KLHL7: variants seen among roughly 807,000 people sequenced by gnomAD.
The protein encoded by KLHL7 is kelch-like protein 7.
In KLHL7, 44 loss-of-function variants were observed where a neutral mutation model predicts 67.4. That is an observed-to-expected ratio of 0.65 (90% CI 0.51 to 0.84). The LOEUF is 0.84. KLHL7 is among the 40% of genes least tolerant of loss of function. The pLI, the probability that KLHL7 is intolerant of heterozygous loss-of-function variation, is 0.00. For synonymous variants in KLHL7, 252 were observed against 243.3 expected (o/e 1.04, Z -0.33); for missense variants, 362 against 718.1 (o/e 0.50, Z 5.67).
At chr7:23,113,762 G>A (rs1164792390) in intron 1 of KLHL7, among the ~76,000 whole-genome samples, 1 of 152,196 alleles carries the variant, frequency 6.6e-6, no homozygotes. Context: ...GGAGGCGGAA[G>A]TTGTTGTGAG....
At chr7:23,124,154 G>GCA (rs1783465894) in intron 2 of KLHL7, among the ~76,000 whole-genome samples, 1 of 110,980 alleles carries the variant, frequency 9.0e-6, no homozygotes, top group African/African-American at 3.6e-5. Flanking sequence ...TTGCACCACT[G>GCA]CACTCCATCC....
intron 1 of KLHL7, chr7:23,117,714 CTT>C: frequency 1.1e-6 from 1 of 944,926 alleles, no homozygotes. Flanking sequence ...CTAGAGAAGT[CTT>C]TTTAATGTTT....
At chr7:23,121,452 C>T (rs150099538) in intron 1 of KLHL7, among the ~76,000 whole-genome samples, 9 of 140,288 alleles carry the variant, frequency 6.4e-5, no homozygotes, top group East Asian at 4.0e-4. Flanking sequence ...CACACCACCA[C>T]GCCTGGCTAA....
intron 4 of KLHL7, among the ~76,000 whole-genome samples, chr7:23,139,876 C>T (rs777707305): frequency 1.2e-4 from 18 of 151,104 alleles, no homozygotes; most frequent in Admixed American, 5.9e-4. Flanking sequence ...CTTTCCTTTC[C>T]GTCTTCACTT....
At chr7:23,145,135 T>C (rs1219357238) in intron 6 of KLHL7, among the ~76,000 whole-genome samples, 3 of 151,952 alleles carry the variant, frequency 2.0e-5, no homozygotes, top group Non-Finnish European at 4.4e-5. Flanking sequence ...AAACTGAAGA[T>C]AGAATTATGC....
intron 1 of KLHL7, among the ~76,000 whole-genome samples, chr7:23,109,755 G>C (rs370998732): frequency 9.9e-5 from 15 of 152,168 alleles, no homozygotes; most frequent in Non-Finnish European, 1.9e-4. Context: ...GACTTCTTGA[G>C]CACTTATAAC....
intron 1 of KLHL7, among the ~76,000 whole-genome samples, chr7:23,107,549 T>G (rs150082068): frequency 6.6e-6 from 1 of 152,348 alleles, no homozygotes; most frequent in African/African-American, 2.4e-5. Flanking sequence ...AAATATTTAC[T>G]TGAGGAGCAG....
At chr7:23,141,354 C>T (rs1784175399) in intron 5 of KLHL7, among the ~76,000 whole-genome samples, 1 of 152,172 alleles carries the variant, frequency 6.6e-6, no homozygotes, top group South Asian at 2.1e-4. Flanking sequence ...TCAAGTGGTG[C>T]AATGTGAGAA....
At chr7:23,159,348 G>T (rs535893224) in intron 7 of KLHL7, among the ~76,000 whole-genome samples, 3 of 152,086 alleles carry the variant, frequency 2.0e-5, no homozygotes, top group Admixed American at 6.5e-5. Context: ...AAATTTTTTT[G>T]TGTGGAGACA....
At chr7:23,140,522 A>G in intron 4 of KLHL7, 1 of 472,124 alleles carries the variant, frequency 2.1e-6, no homozygotes, top group South Asian at 2.0e-5. Context: ...GCGCCACTGC[A>G]CTCCAGCCTG....
intron 8 of KLHL7, 37 bp downstream of exon 8, chr7:23,165,975 G>C: frequency 6.2e-7 from 1 of 1,610,444 alleles, no homozygotes; most frequent in Non-Finnish European, 8.5e-7. Context: ...TGGGGCATAT[G>C]CTTTAAAGCC....
intron 9 of KLHL7, 158 bp from the exon 10 acceptor site, chr7:23,172,790 T>A: frequency 1.6e-6 from 1 of 610,570 alleles, no homozygotes; most frequent in South Asian, 1.9e-5. Context: ...ATAATCATTG[T>A]TCAACTTTTG....
chr7:23,126,748 C>T (rs1379648611), intron 4 of KLHL7, among the ~76,000 whole-genome samples: 1 of 152,080 alleles, frequency 6.6e-6, no homozygotes, highest in Non-Finnish European at 1.5e-5. Context: ...GAATAAATTT[C>T]AGGAGGAAGT....
chr7:23,106,211 C>T lies in KLHL7; in HGVS notation c.120+65C>T, dbSNP rs1782629874. 2.5e-6 allele frequency: 4 copies of T among 1,580,774 alleles called. No homozygotes were observed. In the South Asian group the frequency reaches 4.6e-5, roughly 18 times the overall value. ...GGTCCGGGGCTCGGGCCCCTGGTTC[C>T]CGGGGTGGAACCCCGCGCCCTGTGG... is the stretch of plus-strand genomic sequence containing the variant. On this transcript the variant is annotated intron_variant, in intron 1 of 10. Coordinates refer to ENST00000339077, the MANE Select transcript of KLHL7 (RefSeq NM_001031710.3).
intron 7 of KLHL7, among the ~76,000 whole-genome samples, chr7:23,158,029 G>A (rs964500155): frequency 3.9e-5 from 6 of 152,122 alleles, no homozygotes; most frequent in African/African-American, 9.7e-5. Context: ...GCAGTGGCAC[G>A]GCCGTGGCTC....
intron 7 of KLHL7, chr7:23,156,055 T>C: frequency 2.2e-6 from 1 of 464,218 alleles, no homozygotes; most frequent in Non-Finnish European, 4.4e-6. Context: ...AGAATTCTCA[T>C]TTGTTGTCTT....
chr7:23,168,484 A>G (rs1369859821), intron 9 of KLHL7, among the ~76,000 whole-genome samples: 2 of 152,224 alleles, frequency 1.3e-5, no homozygotes, highest in Non-Finnish European at 2.9e-5. Context: ...GTACATTTAG[A>G]TTCATGTTTA....
intron 7 of KLHL7, among the ~76,000 whole-genome samples, chr7:23,165,206 A>G (rs1784965990): frequency 6.6e-6 from 1 of 152,254 alleles, no homozygotes; most frequent in Admixed American, 6.5e-5. Flanking sequence ...ATAGAAAATT[A>G]ATAAAGAAGT....
chr7:23,146,869 A>G (rs943693472), intron 6 of KLHL7, among the ~76,000 whole-genome samples: 1 of 152,138 alleles, frequency 6.6e-6, no homozygotes, highest in Non-Finnish European at 1.5e-5. Flanking sequence ...GCTAAGATCA[A>G]GTATAGTGTA....
Sources: gnomAD v4.1 joint callset for allele counts (sites outside exome capture counted in the v4.1 genomes callset) on GRCh38, gnomAD v4.1.1 for gene constraint, MANE v1.5 for transcripts, NCBI Gene and HGNC (gene_info 2026-07-23, HGNC 2026-07-21) for gene names.